CD1B: variants seen among roughly 807,000 people sequenced by gnomAD.
The protein encoded by CD1B is CD1b molecule, also known as T-cell surface glycoprotein CD1b.
A neutral mutation model predicts 39.8 loss-of-function variants in CD1B; 43 were observed. That is an observed-to-expected ratio of 1.08 (90% CI 0.85 to 1.39). The LOEUF is 1.39. CD1B is among the 40% of genes most tolerant of loss of function. CD1B has a pLI of 0.00. For synonymous variants in CD1B, 192 were observed against 152.5 expected, an observed-to-expected ratio of 1.26 and a Z score of -1.91; for missense variants, 495 against 403.8, an observed-to-expected ratio of 1.23 and a Z score of -1.94.
the CD1B span, among the ~76,000 whole-genome samples, chr1:158,297,099 G>T: frequency 6.6e-6 from 1 of 152,012 alleles, no homozygotes; most frequent in Non-Finnish European, 1.5e-5. Flanking sequence ...GAAATTCAGA[G>T]AACTCCTGAG....
rs535626321 is a variant in CD1B at position 158,328,376 on chromosome 1, G to A, written c.981-119C>T. 1,264 of 680,734 alleles carry A rather than the reference G, an allele frequency of 1.9e-3. 9 individuals are homozygous for A. Among genetic ancestry groups the A allele is most frequent in the South Asian group, 6.1e-3 (284 of 46,836 alleles). The allele number at this position is 680,734 out of a possible 1,614,324, so 42.2% of individuals were successfully genotyped here. ...GCAACCCAAGTGTCCATAGATAGAC[G>A]AATGGATGAACAAAATGTGTTATAC... On this transcript the variant is annotated intron_variant, in intron 5 of 5. Coordinates refer to ENST00000368168, the MANE Select transcript of CD1B (RefSeq NM_001764.3).
rs950636044 is a variant in CD1B, at chr1:158,331,479, A to G, written c.-56T>C. 5 of 1,460,080 alleles carry G rather than the reference A, an allele frequency of 3.4e-6. No individual in the cohort carries two copies. The highest frequency in any genetic ancestry group is 4.8e-6 in the Non-Finnish European group (5 of 1,043,754). The allele number at this position is 1,460,080 out of a possible 1,614,324, so 90.4% of individuals were successfully genotyped here. On this transcript the variant is annotated 5_prime_UTR_variant, in exon 1 of 6. Coordinates refer to ENST00000368168, the MANE Select transcript of CD1B (RefSeq NM_001764.3). ...GAGCTGGTATTTGATCTCCAATTTC[A>G]GCAAAGCTTTTCCTCAGTACCCTGT... is the stretch of plus-strand genomic sequence containing the variant.
intron 5 of CD1B, 61 bp downstream of exon 5, chr1:158,328,860 C>G (rs1652463656): frequency 1.8e-6 from 2 of 1,136,066 alleles, no homozygotes; most frequent in Non-Finnish European, 1.3e-6. Context: ...TGGTAAAAAA[C>G]AGTGGAAGGG....
chr1:158,324,219 A>T (rs1652275763), downstream of CD1B, among the ~76,000 whole-genome samples: 1 of 152,156 alleles, frequency 6.6e-6, no homozygotes, highest in South Asian at 2.1e-4. Flanking sequence ...GTTAACAAGG[A>T]TGTCTCCAAG....
chr1:158,322,720 T>C, the CD1B span, among the ~76,000 whole-genome samples: 4 of 152,222 alleles, frequency 2.6e-5, no homozygotes, highest in Non-Finnish European at 5.9e-5. Flanking sequence ...TTTGTTTGTC[T>C]GGAAGAGCCT....
the CD1B span, among the ~76,000 whole-genome samples, chr1:158,309,235 T>C: frequency 6.6e-6 from 1 of 152,126 alleles, no homozygotes; most frequent in Non-Finnish European, 1.5e-5. Context: ...GAAAAAACGG[T>C]CATCATCACT....
chr1:158,310,613 C>G, the CD1B span, among the ~76,000 whole-genome samples: 2 of 151,902 alleles, frequency 1.3e-5, no homozygotes, highest in East Asian at 1.9e-4. Context: ...CTTAAATTAA[C>G]AAGCAAAAAA....
intron 1 of CD1B, 128 bp downstream of exon 1, chr1:158,331,235 T>TG: frequency 9.2e-7 from 1 of 1,086,006 alleles, no homozygotes; most frequent in Non-Finnish European, 1.4e-6. Flanking sequence ...ACCACCAGAA[T>TG]GGTTGAAGAG....
chr1:158,305,622 A>G, the CD1B span, among the ~76,000 whole-genome samples: 1 of 152,344 alleles, frequency 6.6e-6, no homozygotes, highest in African/African-American at 2.4e-5. Context: ...TCCAAGACAC[A>G]TAATTGTCAG....
chr1:158,286,316 A>G, the CD1B span, among the ~76,000 whole-genome samples: 3 of 152,294 alleles, frequency 2.0e-5, no homozygotes, highest in South Asian at 6.2e-4. Flanking sequence ...TGCATTTTAT[A>G]TCAATTTCAG....
chr1:158,299,948 C>A, the CD1B span, among the ~76,000 whole-genome samples: 3 of 152,108 alleles, frequency 2.0e-5, no homozygotes, highest in Non-Finnish European at 4.4e-5. Flanking sequence ...GTCCTGGATT[C>A]ATTGATCTTT....
the CD1B span, among the ~76,000 whole-genome samples, chr1:158,305,316 A>C: frequency 1.3e-5 from 2 of 152,226 alleles, no homozygotes; most frequent in Non-Finnish European, 2.9e-5. Flanking sequence ...CGATGGGATC[A>C]AGTGGAAGAA....
downstream of CD1B, among the ~76,000 whole-genome samples, chr1:158,326,016 C>G (rs2101707732): frequency 6.6e-6 from 1 of 152,294 alleles, no homozygotes; most frequent in Admixed American, 6.5e-5. Context: ...GTTGCCCAAG[C>G]TGGAGTGCAG....
the CD1B span, among the ~76,000 whole-genome samples, chr1:158,308,818 A>G: frequency 1.3e-5 from 2 of 152,238 alleles, no homozygotes; most frequent in Non-Finnish European, 2.9e-5. Context: ...TACACCTTAT[A>G]CAAAAATCAA....
At chr1:158,292,352 T>C in the CD1B span, 5 of 1,613,742 alleles carry the variant, frequency 3.1e-6, no homozygotes, top group Non-Finnish European at 4.2e-6. Context: ...GGAAGATGTA[T>C]GTACACAGGC....
chr1:158,314,379 C>A, the CD1B span, among the ~76,000 whole-genome samples: 1 of 152,052 alleles, frequency 6.6e-6, no homozygotes, highest in Non-Finnish European at 1.5e-5. Context: ...CCGTGCCTGG[C>A]CAAGTGTTTT....
chr1:158,295,291 A>G, the CD1B span, among the ~76,000 whole-genome samples: 1 of 151,972 alleles, frequency 6.6e-6, no homozygotes, highest in South Asian at 2.1e-4. Context: ...GAAGGGGGGA[A>G]GAAGCTGCGA....
intron 2 of CD1B, 84 bp from the exon 3 acceptor site, chr1:158,330,214 G>A: frequency 7.8e-7 from 1 of 1,281,932 alleles, no homozygotes; most frequent in Non-Finnish European, 1.1e-6. Context: ...TTTAGATTTT[G>A]GTGGGGATAA....
the CD1B span, among the ~76,000 whole-genome samples, chr1:158,299,711 T>C: frequency 6.6e-6 from 1 of 152,350 alleles, no homozygotes; most frequent in South Asian, 2.1e-4. Context: ...TGGTTTACTC[T>C]TGGGAGGGTG....
Sources: allele counts gnomAD v4.1 joint callset (sites outside exome capture counted in the v4.1 genomes callset), GRCh38; gene constraint gnomAD v4.1.1; transcripts MANE v1.5; gene names NCBI Gene and HGNC (gene_info 2026-07-23, HGNC 2026-07-21).